Variants in TUSC3 observed in about 807,000 individuals in gnomAD.
TUSC3 encodes dolichyl-diphosphooligosaccharide--protein glycosyltransferase subunit TUSC3.
In TUSC3, 45 loss-of-function variants were observed where a neutral mutation model predicts 44.8. The ratio of observed to expected loss-of-function variants is 1.00; its 90% confidence interval spans 0.79 to 1.29. The LOEUF is 1.29. Among genes scored for constraint, TUSC3 ranks in the 50% most tolerant of loss-of-function variants. TUSC3 has a pLI of 0.00. For synonymous variants in TUSC3, 212 were observed against 152.9 expected (o/e 1.39, Z -2.85); for missense variants, 519 against 437.9 (o/e 1.19, Z -1.65).
chr8:15,835,680 G>C, the TUSC3 span, among the ~76,000 whole-genome samples: 4 of 152,086 alleles, frequency 2.6e-5, no homozygotes, highest in African/African-American at 9.6e-5. Flanking sequence ...AATATTTTTG[G>C]AATGCTCTGT....
intron 1 of TUSC3, among the ~76,000 whole-genome samples, chr8:15,552,623 G>C (rs543746559): frequency 1.3e-5 from 2 of 151,652 alleles, no homozygotes; most frequent in African/African-American, 2.4e-5. Context: ...TCAAAGCTTG[G>C]TATGGCTAAG....
chr8:15,822,933 T>G, the TUSC3 span, among the ~76,000 whole-genome samples: 1 of 152,136 alleles, frequency 6.6e-6, no homozygotes, highest in East Asian at 1.9e-4. Flanking sequence ...TATAACATAG[T>G]CAAGTTCACT....
intron 1 of TUSC3, among the ~76,000 whole-genome samples, chr8:15,452,211 A>G (rs1330052133): frequency 6.6e-6 from 1 of 152,218 alleles, no homozygotes; most frequent in East Asian, 1.9e-4. Context: ...TAATTTCTAC[A>G]AACAACCATA....
At chr8:15,692,557 T>C (rs1429371983) in intron 6 of TUSC3, among the ~76,000 whole-genome samples, 3 of 151,874 alleles carry the variant, frequency 2.0e-5, no homozygotes, top group Non-Finnish European at 2.9e-5. Context: ...ATTCACTTTC[T>C]TCCTGGTTCA....
intron 1 of TUSC3, among the ~76,000 whole-genome samples, chr8:15,430,953 C>T (rs1237523670): frequency 6.6e-6 from 1 of 151,744 alleles, no homozygotes; most frequent in African/African-American, 2.4e-5. Flanking sequence ...GTCCTTTCCC[C>T]ATTGTAATTA....
intron 2 of TUSC3, among the ~76,000 whole-genome samples, chr8:15,534,036 G>A (rs952244186): frequency 6.6e-6 from 1 of 152,158 alleles, no homozygotes; most frequent in Admixed American, 6.6e-5. Context: ...GAATGGCAGT[G>A]CTTGTCCAAG....
At chr8:15,781,936 C>T in the TUSC3 span, among the ~76,000 whole-genome samples, 3 of 152,138 alleles carry the variant, frequency 2.0e-5, no homozygotes, top group Non-Finnish European at 4.4e-5. Context: ...AGTTCCAGAC[C>T]ACCCTAGCCA....
At chr8:15,783,193 A>C in the TUSC3 span, among the ~76,000 whole-genome samples, 3 of 152,154 alleles carry the variant, frequency 2.0e-5, no homozygotes, top group Non-Finnish European at 4.4e-5. Flanking sequence ...ATATTAGTGA[A>C]AAAAATGAAA....
At chr8:15,498,071 G>C (rs991193446) in intron 2 of TUSC3, among the ~76,000 whole-genome samples, 3 of 152,082 alleles carry the variant, frequency 2.0e-5, no homozygotes, top group African/African-American at 7.2e-5. Flanking sequence ...TTTTAAGATG[G>C]AAGAGACAAA....
In TUSC3 at chr8:15,734,571, C is replaced by G. The variant is rs190449530; in HGVS notation, c.862+3842C>G. Among the ~76,000 whole-genome samples the G allele has an allele frequency of 3.7e-3, 566 of 152,156 alleles. 3 individuals carry two copies. The highest frequency in any genetic ancestry group is 7.7e-3 in the South Asian group (37 of 4,830). On this transcript the variant is annotated intron_variant, in intron 7 of 10. Transcript: ENST00000503731. ...TCATTTATTTTTCCTTTTGTTAATG[C>G]TTTCACCATCTAATGCAAATGTGAA...
intron 6 of TUSC3, among the ~76,000 whole-genome samples, chr8:15,728,141 C>A (rs1810575070): frequency 6.6e-6 from 1 of 152,146 alleles, no homozygotes. Flanking sequence ...ATACAAAATG[C>A]ATTACATGAT....
intron 1 of TUSC3, among the ~76,000 whole-genome samples, chr8:15,548,249 G>C (rs935918713): frequency 1.3e-5 from 2 of 151,742 alleles, no homozygotes; most frequent in African/African-American, 4.8e-5. Flanking sequence ...TCTAACTTTT[G>C]TCTTTACTGA....
At chr8:15,455,723 G>C (rs1351360419) in intron 1 of TUSC3, among the ~76,000 whole-genome samples, 1 of 152,170 alleles carries the variant, frequency 6.6e-6, no homozygotes, top group African/African-American at 2.4e-5. Flanking sequence ...ACCCTCTCTT[G>C]CTTTTGGCCT....
intron 8 of TUSC3, among the ~76,000 whole-genome samples, chr8:15,745,632 A>G (rs1439654622): frequency 1.3e-5 from 2 of 151,350 alleles, no homozygotes; most frequent in Non-Finnish European, 2.9e-5. Context: ...TCCTTTTTCT[A>G]CTTTTTAATG....
At chr8:15,592,364 G>A (rs1208403759) in intron 1 of TUSC3, among the ~76,000 whole-genome samples, 7 of 152,100 alleles carry the variant, frequency 4.6e-5, no homozygotes, top group Non-Finnish European at 1.0e-4. Context: ...ATATTTGTCC[G>A]CTCCAAATCT....
At chr8:15,735,536 T>C (rs925977590) in intron 7 of TUSC3, among the ~76,000 whole-genome samples, 6 of 152,202 alleles carry the variant, frequency 3.9e-5, no homozygotes, top group African/African-American at 1.4e-4. Context: ...CTTAAAACTT[T>C]TAACCCATTG....
chr8:15,669,304 T>G (rs998382790), intron 5 of TUSC3, among the ~76,000 whole-genome samples: 1 of 151,798 alleles, frequency 6.6e-6, no homozygotes, highest in Admixed American at 6.6e-5. Context: ...CCATGATGAC[T>G]AACTCTTCTA....
intron 2 of TUSC3, among the ~76,000 whole-genome samples, chr8:15,503,182 A>C (rs1800992259): frequency 6.6e-6 from 1 of 152,132 alleles, no homozygotes; most frequent in South Asian, 2.1e-4. Context: ...GGTGGGCCTT[A>C]ATCTAACATG....
intron 1 of TUSC3, among the ~76,000 whole-genome samples, chr8:15,544,870 G>A (rs532727904): frequency 1.3e-5 from 2 of 151,928 alleles, no homozygotes; most frequent in Non-Finnish European, 2.9e-5. Flanking sequence ...CCCTTGAAGC[G>A]TGATTGGAAA....
Sources: gnomAD v4.1 joint callset for allele counts (sites outside exome capture counted in the v4.1 genomes callset) on GRCh38, gnomAD v4.1.1 for gene constraint, MANE v1.5 for transcripts, NCBI Gene and HGNC (gene_info 2026-07-23, HGNC 2026-07-21) for gene names.